SLC38A9: variants seen among roughly 807,000 people sequenced by gnomAD.
SLC38A9 encodes solute carrier family 38 member 9.
SLC38A9 carries 48 observed loss-of-function variants against 62.3 expected under a neutral mutation model. The observed-to-expected ratio is 0.77, with a 90% CI of 0.61 to 0.98. The LOEUF (loss-of-function observed/expected upper bound fraction) is 0.98, where lower values mean the gene tolerates loss of function less well. SLC38A9 is among the 50% of genes least tolerant of loss of function. The pLI, the probability that SLC38A9 is intolerant of heterozygous loss-of-function variation, is 0.00. For synonymous variants in SLC38A9, 204 were observed against 227.7 expected (o/e 0.90, Z 0.94); for missense variants, 541 against 679.8 (o/e 0.80, Z 2.27).
chr5:55,706,732 T>G (rs1024881814), intron 2 of SLC38A9, among the ~76,000 whole-genome samples: 1 of 152,214 alleles, frequency 6.6e-6, no homozygotes, highest in South Asian at 2.1e-4. Flanking sequence ...AACTGGTAAT[T>G]TGCAGTTGTC....
chr5:55,669,254 C>T lies in SLC38A9; in HGVS notation c.500G>A (p.Arg167Lys). The part of the protein sequence containing the change: ...MGLLTLYCCY[R>K]VVKSRTMMFS... Reference sequence around the variant, plus strand: ...CATCATAGTCCGTGATTTCACTACTCTGTAGCAGCAATAAAGTGTTAAAAG... The same window carrying T: ...CATCATAGTCCGTGATTTCACTACTTTGTAGCAGCAATAAAGTGTTAAAAG... The change falls in exon 7 of 16, where the codon AGA becomes AAA. Residue 167 changes from arginine (R) to lysine (K), a missense_variant. By Grantham distance (26) the Arg-to-Lys change is conservative (BLOSUM62 2). Coordinates refer to ENST00000396865, the MANE Select transcript of SLC38A9 (RefSeq NM_173514.4). 6.2e-7 allele frequency: 1 copy of T among 1,613,090 alleles called. No individual in the cohort carries two copies. The highest frequency in any genetic ancestry group is 8.5e-7 in the Non-Finnish European group (1 of 1,179,564).
intron 3 of SLC38A9, among the ~76,000 whole-genome samples, chr5:55,690,928 T>G (rs1754643845): frequency 6.6e-6 from 1 of 152,230 alleles, no homozygotes; most frequent in South Asian, 2.1e-4. Flanking sequence ...TTTTTCCTTC[T>G]TCCTCTCTCC....
At chr5:55,711,896 A>G (rs1490871895) in intron 1 of SLC38A9, among the ~76,000 whole-genome samples, 1 of 151,894 alleles carries the variant, frequency 6.6e-6, no homozygotes, top group Admixed American at 6.6e-5. Flanking sequence ...GTGTTCATTT[A>G]CCCCAACCCT....
In SLC38A9 at chr5:55,669,841, G is replaced by A; in HGVS notation, c.285C>T (p.Cys95=). 6.2e-7 allele frequency: 1 copy of A among 1,612,462 alleles called. No individual in the cohort carries two copies. Among genetic ancestry groups the A allele is most frequent in the Non-Finnish European group, 8.5e-7 (1 of 1,179,226 alleles). Residue 95 remains cysteine (C), a synonymous_variant, in exon 5 of 16, where the codon TGC becomes TGT. Transcript: ENST00000396865. ...PDHVVPAPEE[C]YVYSPLGSAY... ...CAGAGCCCAATGGACTATACACATA[G>A]CACTCTTCTGGAGCTGGAACTACAT...
intron 3 of SLC38A9, among the ~76,000 whole-genome samples, chr5:55,684,127 G>C (rs114568018): frequency 6.6e-6 from 1 of 151,968 alleles, no homozygotes; most frequent in Non-Finnish European, 1.5e-5. Context: ...TTTATCTCTA[G>C]TCACTGCCAA....
chr5:55,646,477 C>T (rs1033413430), intron 11 of SLC38A9, among the ~76,000 whole-genome samples: 1 of 152,108 alleles, frequency 6.6e-6, no homozygotes, highest in African/African-American at 2.4e-5. Context: ...GTCTGTCTGA[C>T]TTTAAAGTCC....
intron 12 of SLC38A9, among the ~76,000 whole-genome samples, chr5:55,641,091 C>T (rs767635518): frequency 2.0e-5 from 3 of 152,192 alleles, no homozygotes; most frequent in Non-Finnish European, 4.4e-5. Context: ...CCACGCACCT[C>T]GGCCTCCCAA....
At chr5:55,670,341 AAT>A (rs1236217196) in intron 4 of SLC38A9, among the ~76,000 whole-genome samples, 12 of 139,090 alleles carry the variant, frequency 8.6e-5, no homozygotes, top group Non-Finnish European at 1.6e-4. Context: ...TGACTTTTCA[AAT>A]ATAGAAAAAC....
intron 8 of SLC38A9, among the ~76,000 whole-genome samples, chr5:55,662,178 G>C (rs1749691273): frequency 6.6e-6 from 1 of 152,104 alleles, no homozygotes; most frequent in Non-Finnish European, 1.5e-5. Context: ...ATGTATACAA[G>C]GCAACAGAAA....
chr5:55,646,324 T>C (rs1334014615), intron 11 of SLC38A9, among the ~76,000 whole-genome samples: 1 of 151,544 alleles, frequency 6.6e-6, no homozygotes, highest in Non-Finnish European at 1.5e-5. Flanking sequence ...TAAGCCGAGA[T>C]CACACCATTA....
chr5:55,633,745 A>T lies in SLC38A9; in HGVS notation c.1430+9T>A, dbSNP rs749091164. The stretch of plus-strand genomic sequence containing the variant: ...GGCACATCCTGCTGGTCAAGAGAAG[A>T]GCCCTTACCTAGGATAAATGTCACC... On this transcript the variant is annotated intron_variant, in intron 14 of 15. Coordinates refer to ENST00000396865, the MANE Select transcript of SLC38A9 (RefSeq NM_173514.4). 2 of 1,614,160 alleles carry T rather than the reference A, an allele frequency of 1.2e-6. No individual in the cohort carries two copies. The highest frequency in any genetic ancestry group is 1.7e-5 in the Admixed American group (1 of 60,024).
intron 3 of SLC38A9, among the ~76,000 whole-genome samples, chr5:55,683,285 C>T (rs767409498): frequency 5.3e-5 from 8 of 152,076 alleles, no homozygotes; most frequent in Non-Finnish European, 7.4e-5. Flanking sequence ...TTCACAGGCA[C>T]GATCATAGTG....
intron 3 of SLC38A9, among the ~76,000 whole-genome samples, chr5:55,692,133 A>T (rs1312115802): frequency 6.6e-6 from 1 of 152,238 alleles, no homozygotes; most frequent in Non-Finnish European, 1.5e-5. Flanking sequence ...GCACAAGAAT[A>T]AATGCTATTT....
intron 3 of SLC38A9, among the ~76,000 whole-genome samples, chr5:55,689,118 TACC>T (rs1754375896): frequency 6.6e-6 from 1 of 152,170 alleles, no homozygotes; most frequent in Admixed American, 6.5e-5. Context: ...AGTGATAATA[TACC>T]AAGATAAACT....
At chr5:55,656,358 G>C (rs1378573588) in intron 9 of SLC38A9, among the ~76,000 whole-genome samples, 1 of 151,284 alleles carries the variant, frequency 6.6e-6, no homozygotes, top group Non-Finnish European at 1.5e-5. Context: ...CTAAAACTAA[G>C]TTAAACTGAG....
At chr5:55,651,566 G>A (rs1368357884) in intron 10 of SLC38A9, among the ~76,000 whole-genome samples, 1 of 151,902 alleles carries the variant, frequency 6.6e-6, no homozygotes, top group Non-Finnish European at 1.5e-5. Flanking sequence ...CATCTTAAGT[G>A]GAGTAAAAAC....
intron 3 of SLC38A9, chr5:55,692,925 A>G (rs1329147208): frequency 7.1e-6 from 7 of 980,830 alleles, no homozygotes; most frequent in Non-Finnish European, 8.5e-6. Flanking sequence ...ATAAATGACA[A>G]TGATAAATTT....
At chr5:55,673,376 C>A (rs1267264444) in intron 3 of SLC38A9, 3 of 152,200 alleles carry the variant, frequency 2.0e-5, no homozygotes, top group African/African-American at 7.2e-5. Flanking sequence ...GTTCAATCAT[C>A]CTTTTCAGTC....
intron 12 of SLC38A9, among the ~76,000 whole-genome samples, chr5:55,645,371 TACC>T (rs893860269): frequency 7.2e-5 from 11 of 152,212 alleles, no homozygotes; most frequent in African/African-American, 2.7e-4. Context: ...TAAAAGATTT[TACC>T]ACCATTAATG....
Sources: allele counts gnomAD v4.1 joint callset (sites outside exome capture counted in the v4.1 genomes callset), GRCh38; gene constraint gnomAD v4.1.1; transcripts MANE v1.5; gene names NCBI Gene and HGNC (gene_info 2026-07-23, HGNC 2026-07-21).